The following UBA2 variants were observed in gnomAD, a reference collection of about 807,000 sequenced individuals.
UBA2 encodes the protein ubiquitin like modifier activating enzyme 2, also known as SUMO-activating enzyme subunit 2.
A neutral mutation model predicts 77.2 loss-of-function variants in UBA2; 11 were observed. The observed-to-expected ratio is 0.14, with a 90% CI of 0.09 to 0.24. The LOEUF (loss-of-function observed/expected upper bound fraction) is 0.24, where lower values mean the gene tolerates loss of function less well. Among genes scored for constraint, UBA2 ranks in the 10% least tolerant of loss-of-function variants. UBA2 has a pLI of 1.00. For missense variants in UBA2, 487 were observed against 781.7 expected, an observed-to-expected ratio of 0.62 and a Z score of 4.50; for synonymous variants, 278 against 276.7, an observed-to-expected ratio of 1.00 and a Z score of -0.05.
At chr19:34,452,907 CATT>C (rs2075517586) in intron 10 of UBA2, among the ~76,000 whole-genome samples, 1 of 152,152 alleles carries the variant, frequency 6.6e-6, no homozygotes, top group Non-Finnish European at 1.5e-5. Context: ...TTCTTATAAA[CATT>C]AGTCTCTTGG....
intron 12 of UBA2, 114 bp downstream of exon 12, chr19:34,454,670 G>A: frequency 1.8e-6 from 1 of 566,780 alleles, no homozygotes. Context: ...TTAAAGCAAT[G>A]GAAAAGTAAT....
chr19:34,438,996 C>T (rs2075339409), intron 6 of UBA2, among the ~76,000 whole-genome samples: 4 of 151,972 alleles, frequency 2.6e-5, no homozygotes, highest in South Asian at 4.2e-4. Context: ...ATCACCTGAG[C>T]GCAGGAGTTT....
intron 16 of UBA2, among the ~76,000 whole-genome samples, chr19:34,467,984 T>G (rs1190048411): frequency 6.6e-6 from 1 of 152,212 alleles, no homozygotes; most frequent in African/African-American, 2.4e-5. Context: ...CAGGTGCTTG[T>G]TAAGTATGGA....
intron 12 of UBA2, among the ~76,000 whole-genome samples, chr19:34,456,852 C>T (rs1425844062): frequency 1.3e-5 from 2 of 152,074 alleles, no homozygotes; most frequent in Admixed American, 6.6e-5. Context: ...GCCACCGTTC[C>T]TGGCCGATAC....
chr19:34,468,999 C>T lies in UBA2; in HGVS notation c.1742-41C>T, dbSNP rs751534707. ...TACAGGTGAGCACAGGTAACTCCCA[C>T]GCTTTTACCCATTTTCTTTTTCCCT... On this transcript the variant is annotated intron_variant, in intron 16 of 16. Coordinates refer to ENST00000246548, the MANE Select transcript of UBA2 (RefSeq NM_005499.3). 1.2e-5 allele frequency: 18 copies of T among 1,538,428 alleles called. No individual in the cohort carries two copies. In the East Asian group the frequency reaches 1.6e-4, roughly 14 times the overall value.
rs569674802 is a variant in UBA2 at position 34,445,234 on chromosome 19, A to G, written c.771+113A>G. ...ATAAAATTGAATTAAGCTTCTATGT[A>G]TATGCCTTGTGATGTCCTAATAAAA... is the stretch of plus-strand genomic sequence containing the variant. On this transcript the variant is annotated intron_variant, in intron 8 of 16. Transcript: ENST00000246548. 1.3e-5 allele frequency: 14 copies of G among 1,109,816 alleles called. No individual in the cohort carries two copies. In the East Asian group the frequency reaches 1.7e-4, roughly 14 times the overall value. The allele number at this position is 1,109,816 out of a possible 1,614,324, so 68.7% of individuals were successfully genotyped here.
chr19:34,451,158 G>A (rs1325597758), intron 9 of UBA2, among the ~76,000 whole-genome samples: 1 of 151,874 alleles, frequency 6.6e-6, no homozygotes, highest in Non-Finnish European at 1.5e-5. Flanking sequence ...ACTGTGCCCA[G>A]CATATTTTAA....
chr19:34,429,768 C>T (rs1032911170), intron 1 of UBA2, among the ~76,000 whole-genome samples: 1 of 151,680 alleles, frequency 6.6e-6, no homozygotes, highest in African/African-American at 2.4e-5. Context: ...CCTGGGAGGT[C>T]GAGGCTGCAG....
At chr19:34,443,714 A>G (rs1487530572) in intron 6 of UBA2, 130 bp from the exon 7 acceptor site, 1 of 634,278 alleles carries the variant, frequency 1.6e-6, no homozygotes, top group Non-Finnish European at 2.8e-6. Context: ...TGTTGGGATT[A>G]AAGGTGTGAG....
rs1277587625 is a variant in UBA2, at chr19:34,458,871, G to A, written c.1348G>A (p.Val450Met). The A allele has an allele frequency of 1.2e-6, 2 of 1,614,126 alleles. No individual in the cohort carries two copies. The highest frequency in any genetic ancestry group is 1.7e-6 in the Non-Finnish European group (2 of 1,180,024). ...TTATGTATGTGCCAGCAAGCCAGAGGTGACTGTGCGGCTGAATGTCCATAA... is the reference window on the plus strand; with the variant it reads ...TTATGTATGTGCCAGCAAGCCAGAGATGACTGTGCGGCTGAATGTCCATAA... ...NCYVCASKPE[V>M]TVRLNVHKVT... Residue 450 changes from valine (V) to methionine (M), a missense_variant, in exon 13 of 17, where the codon GTG becomes ATG. By Grantham distance (21) the Val-to-Met change is conservative. This residue lies in a region of UBA2 where 300 missense variants were observed against 454.3 expected (regional missense o/e 0.66). Coordinates refer to ENST00000246548, the MANE Select transcript of UBA2 (RefSeq NM_005499.3).
intron 3 of UBA2, 59 bp from the exon 4 acceptor site, chr19:34,433,289 T>A: frequency 8.2e-7 from 1 of 1,216,508 alleles, no homozygotes; most frequent in Non-Finnish European, 1.2e-6. Context: ...TTTATTATAC[T>A]GCAAAGATCA....
rs548206188 is a variant in UBA2, at chr19:34,457,321, C to T, written c.1246-1448C>T. Among the ~76,000 whole-genome samples, 24 of 150,288 alleles carry T rather than the reference C, an allele frequency of 1.6e-4. No homozygotes were observed. In the South Asian group the frequency reaches 2.1e-3, roughly 13 times the overall value. On this transcript the variant is annotated intron_variant, in intron 12 of 16. Coordinates refer to ENST00000246548, the MANE Select transcript of UBA2 (RefSeq NM_005499.3). Reference sequence around the variant, plus strand: ...GGCGGAAGTTGCATTAAGCCGAGATCGCGCCATTGCACTCCAGCCTGGCAA... The same window carrying T: ...GGCGGAAGTTGCATTAAGCCGAGATTGCGCCATTGCACTCCAGCCTGGCAA...
chr19:34,456,304 G>A (rs1337454018), intron 12 of UBA2, among the ~76,000 whole-genome samples: 4 of 149,768 alleles, frequency 2.7e-5, no homozygotes, highest in African/African-American at 9.8e-5. Flanking sequence ...TAGTAGAGAC[G>A]GTGTTTCACC....
rs1250114723 is a variant in UBA2, at chr19:34,439,672, A to AC, written c.581+906_581+907insC. Reference sequence around the variant, plus strand: ...TGGCAAAACCGTGTCTCTACAAAAAATAGAAAAATGAGCCAGGTGTACCTG... The same window carrying AC: ...TGGCAAAACCGTGTCTCTACAAAAAACTAGAAAAATGAGCCAGGTGTACCTG... On this transcript the variant is annotated intron_variant, in intron 6 of 16. Transcript: ENST00000246548. Among the ~76,000 whole-genome samples the AC allele has an allele frequency of 1.3e-4, 20 of 152,176 alleles. No individual in the cohort carries two copies. In the East Asian group the frequency reaches 3.9e-3, roughly 30 times the overall value.
chr19:34,456,100 CTT>C (rs869118014), intron 12 of UBA2, among the ~76,000 whole-genome samples: 10 of 55,800 alleles, frequency 1.8e-4, no homozygotes, highest in South Asian at 7.7e-4. Context: ...TTTTCCTTTT[CTT>C]TTTCTTTTTT....
At position 34,428,389 on chromosome 19, in the gene UBA2, G is replaced by C. The variant is rs778845283; in HGVS notation, c.-44G>C. On this transcript the variant is annotated 5_prime_UTR_variant, in exon 1 of 17. Coordinates refer to ENST00000246548, the MANE Select transcript of UBA2 (RefSeq NM_005499.3). Reference sequence around the variant, plus strand: ...CCCACCCGCTTCCGGCCGCGGCTCGGTTCTCCCGCCTCCGCCTCCGCCGCG... The same window carrying C: ...CCCACCCGCTTCCGGCCGCGGCTCGCTTCTCCCGCCTCCGCCTCCGCCGCG... 57 of 1,232,758 alleles carry C rather than the reference G, an allele frequency of 4.6e-5. 1 individual carries two copies. Among genetic ancestry groups the C allele is most frequent in the Non-Finnish European group, 5.8e-5 (57 of 987,378 alleles). The allele number at this position is 1,232,758 out of a possible 1,614,324, so 76.4% of individuals were successfully genotyped here.
Position 34,469,051 on chromosome 19 carries a change from G to C in UBA2, c.1753G>C (p.Asp585His). 1 of 1,605,452 alleles carries C rather than the reference G, an allele frequency of 6.2e-7. No individual in the cohort carries two copies. The highest frequency in any genetic ancestry group is 8.5e-7 in the Non-Finnish European group (1 of 1,177,450). ...QPSTSTAQEQ[D>H]DVLIVDSDEE... Reference sequence around the variant, plus strand: ...TTTTCTGAAATAAGCTCAAGAGCAAGATGACGTTCTCATAGTTGATTCAGA... The same window carrying C: ...TTTTCTGAAATAAGCTCAAGAGCAACATGACGTTCTCATAGTTGATTCAGA... The change falls in exon 17 of 17, where the codon GAT (aspartate) becomes CAT (histidine). Residue 585 changes from aspartate to histidine, a missense_variant. This residue lies in a region of UBA2 where 40 missense variants were observed against 36.6 expected (regional missense o/e 1.09). Transcript: ENST00000246548.
chr19:34,451,407 GTTCTCA>G (rs1297302595), intron 9 of UBA2, among the ~76,000 whole-genome samples: 1 of 151,940 alleles, frequency 6.6e-6, no homozygotes, highest in Non-Finnish European at 1.5e-5. Context: ...CGCTTACTGA[GTTCTCA>G]TTCTCACTAG....
intron 4 of UBA2, among the ~76,000 whole-genome samples, chr19:34,433,908 A>G (rs1017913673): frequency 6.6e-6 from 1 of 152,164 alleles, no homozygotes; most frequent in African/African-American, 2.4e-5. Flanking sequence ...CAGTGAGCCT[A>G]GATCACACCA....
Sources: allele counts gnomAD v4.1 joint callset (sites outside exome capture counted in the v4.1 genomes callset), GRCh38; gene constraint gnomAD v4.1.1; regional missense constraint gnomAD v4.1.1; transcripts MANE v1.5; gene names NCBI Gene and HGNC (gene_info 2026-07-23, HGNC 2026-07-21).